COCH: variants seen among roughly 807,000 people sequenced by gnomAD.
COCH encodes the protein coagulation factor C homolog, cochlin (Limulus polyphemus).
A neutral mutation model predicts 54.8 loss-of-function variants in COCH; 40 were observed. That is an observed-to-expected ratio of 0.73 (90% CI 0.57 to 0.95). The LOEUF is 0.95. Ranked by LOEUF, COCH falls within the 40% of genes least tolerant of loss-of-function variation. The pLI, the probability that COCH is intolerant of heterozygous loss-of-function variation, is 0.00. For missense variants in COCH, 605 were observed against 675.0 expected, an observed-to-expected ratio of 0.90 and a Z score of 1.15; for synonymous variants, 256 against 237.9, an observed-to-expected ratio of 1.08 and a Z score of -0.70.
At chr14:30,878,679 A>G (rs1594373172) in intron 4 of COCH, 132 bp from the exon 5 acceptor site, 2 of 1,294,430 alleles carry the variant, frequency 1.5e-6, no homozygotes, top group Non-Finnish European at 2.2e-6. Context: ...ATAAAGCAGA[A>G]TCTTTAGATG....
chr14:30,889,423 G>C, intron 11 of COCH, 193 bp from the exon 12 acceptor site: 1 of 586,406 alleles, frequency 1.7e-6, no homozygotes, highest in Non-Finnish European at 3.1e-6. Flanking sequence ...AGAGTTTCTG[G>C]TTTGGACCAC....
intron 11 of COCH, among the ~76,000 whole-genome samples, chr14:30,886,809 T>C (rs1895805643): frequency 1.3e-5 from 2 of 152,172 alleles, no homozygotes; most frequent in Admixed American, 6.6e-5. Context: ...CCTCCAACTA[T>C]TGGGCTCAAG....
At chr14:30,889,249 G>A (rs865977850) in intron 11 of COCH, 23 of 242,106 alleles carry the variant, frequency 9.5e-5, no homozygotes, top group African/African-American at 4.1e-4. Context: ...TTCACCATCC[G>A]CATTTACTGT....
At position 30,886,012 on chromosome 14, in the gene COCH, A is replaced by G. The variant is rs1038336750; in HGVS notation, c.1177A>G (p.Ile393Val). The G allele has an allele frequency of 1.2e-6, 2 of 1,614,270 alleles. No individual in the cohort carries two copies. The highest frequency in any genetic ancestry group is 1.7e-6 in the Non-Finnish European group (2 of 1,180,048). The change falls in exon 11 of 12, where the codon ATA (isoleucine) becomes GTA (valine). Residue 393 changes from isoleucine to valine, a missense_variant. Ile to Val is a conservative substitution (Grantham distance 29, BLOSUM62 3). Transcript: ENST00000396618. ...CCTCATGCTTGAATTTGTTTCCAAC[A>G]TAGCCAAGACTTTTGAAATCTCGGA... ...FRLMLEFVSN[I>V]AKTFEISDIG...
At chr14:30,884,683 T>C (rs917841960) in intron 9 of COCH, 27 bp downstream of exon 9, 2 of 1,496,546 alleles carry the variant, frequency 1.3e-6, no homozygotes, top group Non-Finnish European at 1.9e-6. Flanking sequence ...ACCTGGGATG[T>C]AACATAGGAG....
chr14:30,889,893 A>G lies in COCH; in HGVS notation c.*102A>G, dbSNP rs1376238746. On this transcript the variant is annotated 3_prime_UTR_variant, in exon 12 of 12. Coordinates refer to ENST00000396618, the MANE Select transcript of COCH (RefSeq NM_004086.3). Reference sequence around the variant, plus strand: ...GCTTTAGCATACTAGAATCAGATACAAAACTATTAAGTATGTCAACAGCCA... The same window carrying G: ...GCTTTAGCATACTAGAATCAGATACGAAACTATTAAGTATGTCAACAGCCA... 5 of 1,472,580 alleles carry G rather than the reference A, an allele frequency of 3.4e-6. No homozygotes were observed. Among genetic ancestry groups the G allele is most frequent in the Non-Finnish European group, 4.5e-6 (5 of 1,112,850 alleles). The allele number at this position is 1,472,580 out of a possible 1,614,324, so 91.2% of individuals were successfully genotyped here.
chr14:30,884,598 C>T lies in COCH; in HGVS notation c.675C>T (p.Ala225=). 1 of 1,613,754 alleles carries T rather than the reference C, an allele frequency of 6.2e-7. No homozygotes were observed. The highest frequency in any genetic ancestry group is 8.5e-7 in the Non-Finnish European group (1 of 1,179,806). The stretch of plus-strand genomic sequence containing the variant: ...TTTACTTGAAAAACTTTACATCAGC[C>T]AAAGATGTTTTGTTTGCCATAAAGG... The part of the protein sequence containing the change: ...IEFYLKNFTS[A]KDVLFAIKEV... The change falls in exon 9 of 12, where the codon GCC becomes GCT. Residue 225 remains alanine (A), a synonymous_variant. Transcript: ENST00000396618.
rs763855435 is a variant in COCH, at chr14:30,874,966, G to A, written c.28G>A (p.Gly10Ser). Residue 10 changes from glycine (G) to serine (S), a missense_variant, in exon 2 of 12, where the codon GGC (glycine) becomes AGC (serine). Gly to Ser is a moderately conservative substitution (Grantham distance 56). Coordinates refer to ENST00000396618, the MANE Select transcript of COCH (RefSeq NM_004086.3). ...GTCCGCAGCCTGGATCCCGGCTCTC[G>A]GCCTCGGTGGGTGCGCGCCCCTCAC... Reference protein sequence around the residue: MSAAWIPALGLGVCLLLLPG... With the variant: MSAAWIPALSLGVCLLLLPG... 1.2e-6 allele frequency: 2 copies of A among 1,613,356 alleles called. No homozygotes were observed. The highest frequency in any genetic ancestry group is 1.7e-6 in the Non-Finnish European group (2 of 1,179,844).
Position 30,878,946 on chromosome 14 carries a change from T to A in COCH, c.373+2T>A, listed in dbSNP as rs754900788. Reference sequence around the variant, plus strand: ...GGTCTGCTTCTTTCACAGTAACTAGTAGGTATAATTATTGTTCTCATTCTG... The same window carrying A: ...GGTCTGCTTCTTTCACAGTAACTAGAAGGTATAATTATTGTTCTCATTCTG... On this transcript the variant is annotated splice_donor_variant, in intron 5 of 11. Coordinates refer to ENST00000396618, the MANE Select transcript of COCH (RefSeq NM_004086.3). LOFTEE classifies it high-confidence loss of function. 15 of 1,613,930 alleles carry A rather than the reference T, an allele frequency of 9.3e-6. No individual in the cohort carries two copies. Among genetic ancestry groups the A allele is most frequent in the Non-Finnish European group, 1.1e-5 (13 of 1,179,990 alleles).
At chr14:30,888,071 GTTTT>G (rs1379479559) in intron 11 of COCH, among the ~76,000 whole-genome samples, 2 of 151,928 alleles carry the variant, frequency 1.3e-5, no homozygotes, top group Admixed American at 6.6e-5. Context: ...GATCACAACA[GTTTT>G]TATTTATTTT....
chr14:30,895,195 T>C (rs1896109277), downstream of COCH: 2 of 540,646 alleles, frequency 3.7e-6, no homozygotes, highest in Non-Finnish European at 3.2e-6. Context: ...CCACAAATAC[T>C]GGAGTCCTTT....
At chr14:30,879,016 A>G (rs1895475913) in intron 5 of COCH, 72 bp downstream of exon 5, 1 of 1,582,084 alleles carries the variant, frequency 6.3e-7, no homozygotes, top group Non-Finnish European at 8.6e-7. Context: ...TTTTTAGCTC[A>G]GCCTCTTTAA....
At chr14:30,895,284 G>A, downstream of COCH, 1 of 902,596 alleles carries the variant, frequency 1.1e-6, no homozygotes, top group Non-Finnish European at 1.6e-6. Flanking sequence ...ACCAATTTGT[G>A]CCTGCCCCAG....
intron 8 of COCH, 108 bp from the exon 9 acceptor site, chr14:30,884,445 A>G (rs1895713130): frequency 1.3e-6 from 1 of 751,588 alleles, no homozygotes; most frequent in Non-Finnish European, 2.3e-6. Context: ...GGAATTAAGA[A>G]AGAAACTTGT....
Position 30,885,833 on chromosome 14 carries a change from T to G in COCH, c.998T>G (p.Met333Arg), listed in dbSNP as rs752542741. 1 of 1,614,162 alleles carries G rather than the reference T, an allele frequency of 6.2e-7. No individual in the cohort carries two copies. The highest frequency in any genetic ancestry group is 1.1e-5 in the South Asian group (1 of 91,090). ...AATAATGGCTTCTTCTCTTACCACA[T>G]GCCCAACTGGTTTGGCACCACAAAA... ...CRNNGFFSYHMPNWFGTTKYV... is the reference protein window; with the variant it reads ...CRNNGFFSYHRPNWFGTTKYV... Residue 333 changes from methionine to arginine, a missense_variant, in exon 11 of 12, where the codon ATG becomes AGG. Transcript: ENST00000396618.
chr14:30,886,259 A>G lies in COCH; in HGVS notation c.1424A>G (p.Asp475Gly). Reference protein sequence around the residue: ...PNKNFLVIVTDGQSYDDVQGP... With the variant: ...PNKNFLVIVTGGQSYDDVQGP... Reference sequence around the variant, plus strand: ...AAGAACTTCCTAGTAATTGTCACAGATGGGCAGTCCTATGATGATGTCCAA... The same window carrying G: ...AAGAACTTCCTAGTAATTGTCACAGGTGGGCAGTCCTATGATGATGTCCAA... Residue 475 changes from aspartate to glycine, a missense_variant, in exon 11 of 12, where the codon GAT becomes GGT. Transcript: ENST00000396618. 2 of 1,613,982 alleles carry G rather than the reference A, an allele frequency of 1.2e-6. No homozygotes were observed. Among genetic ancestry groups the G allele is most frequent in the Non-Finnish European group, 1.7e-6 (2 of 1,179,952 alleles).
Position 30,877,687 on chromosome 14 carries a change from A to T in COCH, c.198A>T (p.Val66=), listed in dbSNP as rs28400029. 85 of 1,614,254 alleles carry T rather than the reference A, an allele frequency of 5.3e-5. No homozygotes were observed. The African/African-American group carries it at 9.1e-4, about 17-fold the overall frequency. Residue 66 remains valine (V), a synonymous_variant, in exon 4 of 12, where the codon GTA becomes GTT. Coordinates refer to ENST00000396618, the MANE Select transcript of COCH (RefSeq NM_004086.3). The surrounding 1 kb of genome is among the most constrained non-coding windows in gnomAD (Gnocchi z 8.6). ...AATTCTCTGTGTATGGGAACATAGT[A>T]TATGCTTCTGTATCGAGCATATGTG... ...LEEFSVYGNI[V]YASVSSICGA...
downstream of COCH, among the ~76,000 whole-genome samples, chr14:30,893,343 G>C (rs551256400): frequency 5.3e-5 from 8 of 151,646 alleles, no homozygotes; most frequent in African/African-American, 1.9e-4. Context: ...TAGTAGAGAC[G>C]GGGTTTCATC....
At chr14:30,882,133 T>TG (rs1566410421) in intron 8 of COCH, among the ~76,000 whole-genome samples, 4 of 124,988 alleles carry the variant, frequency 3.2e-5, no homozygotes, top group African/African-American at 9.8e-5. Flanking sequence ...TTTTTTTTTT[T>TG]TTTTTTTTTT....
Sources: gnomAD v4.1 joint callset for allele counts (sites outside exome capture counted in the v4.1 genomes callset) on GRCh38, gnomAD v4.1.1 for gene constraint, Gnocchi (gnomAD v3.1) non-coding constraint, MANE v1.5 for transcripts, NCBI Gene and HGNC (gene_info 2026-07-23, HGNC 2026-07-21) for gene names.